The following CD163L1 variants were observed in gnomAD, a reference collection of about 807,000 sequenced individuals.
CD163L1 encodes scavenger receptor cysteine-rich type 1 protein M160.
Under a neutral mutation model 165.4 loss-of-function variants are expected in CD163L1, and 124 were observed. The ratio of observed to expected loss-of-function variants is 0.75; its 90% CI spans 0.65 to 0.87. The LOEUF (loss-of-function observed/expected upper bound fraction) is 0.87, where lower values mean the gene tolerates loss of function less well. Among genes scored for constraint, CD163L1 ranks in the 40% least tolerant of loss-of-function variants. The pLI is 0.00. For synonymous variants in CD163L1, 585 were observed against 662.2 expected (o/e 0.88, Z 1.79); for missense variants, 1,525 against 1,799.9 (o/e 0.85, Z 2.76).
At chr12:7,414,321 C>A (rs1433144064) in intron 4 of CD163L1, among the ~76,000 whole-genome samples, 1 of 151,928 alleles carries the variant, frequency 6.6e-6, no homozygotes, top group African/African-American at 2.4e-5. Flanking sequence ...AATACAATGA[C>A]ACCTGAAAAA....
chr12:7,383,195 T>C (rs1285588476), intron 8 of CD163L1, among the ~76,000 whole-genome samples: 1 of 152,112 alleles, frequency 6.6e-6, no homozygotes. Context: ...GGTCTGGAAA[T>C]TGCCCTATTC....
chr12:7,412,041 C>T, intron 4 of CD163L1, among the ~76,000 whole-genome samples: 1 of 152,298 alleles, frequency 6.6e-6, no homozygotes. Flanking sequence ...TCAAAATAGA[C>T]AAAAGTCTGG....
chr12:7,366,273 G>A (rs968304422), intron 18 of CD163L1, among the ~76,000 whole-genome samples: 1 of 151,922 alleles, frequency 6.6e-6, no homozygotes, highest in African/African-American at 2.4e-5. Context: ...GATAAAGAGA[G>A]GTTGATTGAG....
the CD163L1 span, chr12:7,327,061 A>G: frequency 6.2e-7 from 1 of 1,611,146 alleles, no homozygotes; most frequent in South Asian, 1.1e-5. Context: ...GATCATGTGA[A>G]AAAATCAACT....
chr12:7,324,580 A>G, the CD163L1 span: 3 of 1,613,874 alleles, frequency 1.9e-6, no homozygotes, highest in African/African-American at 1.3e-5. Flanking sequence ...TCAGTAGTCC[A>G]GATCAAATCC....
At chr12:7,433,778 C>T (rs1948673051) in intron 2 of CD163L1, 84 bp from the exon 3 acceptor site, 4 of 1,005,144 alleles carry the variant, frequency 4.0e-6, no homozygotes, top group South Asian at 1.8e-5. Context: ...GGATGATGAT[C>T]ATTTAGTTTA....
chr12:7,386,836 A>G (rs1947531701), intron 8 of CD163L1, among the ~76,000 whole-genome samples: 1 of 152,180 alleles, frequency 6.6e-6, no homozygotes, highest in African/African-American at 2.4e-5. Context: ...AACATGAGAA[A>G]GGCCATATAG....
In CD163L1 at chr12:7,435,594, C is replaced by T. The variant is rs773644909; in HGVS notation, c.125-1900G>A. Among the ~76,000 whole-genome samples, 4 of 151,978 alleles carry T rather than the reference C, an allele frequency of 2.6e-5. No individual in the cohort carries two copies. In the South Asian group the frequency reaches 6.2e-4, roughly 24 times the overall value. On this transcript the variant is annotated intron_variant, in intron 2 of 19. Coordinates refer to ENST00000313599, the MANE Select transcript of CD163L1 (RefSeq NM_174941.6). Reference sequence around the variant, plus strand: ...TTAAAATATGAGTGAGGATATGAGTCATATCCTCATACATATATTTGAAAA... The same window carrying T: ...TTAAAATATGAGTGAGGATATGAGTTATATCCTCATACATATATTTGAAAA...
rs765733702 is a variant in CD163L1 at position 7,398,407 on chromosome 12, G to A, written c.1586C>T (p.Thr529Ile). Residue 529 changes from threonine (T) to isoleucine (I), a missense_variant, in exon 7 of 20, where the codon ACC becomes ATC. By Grantham distance (89) the Thr-to-Ile change is moderately conservative. Coordinates refer to ENST00000313599, the MANE Select transcript of CD163L1 (RefSeq NM_174941.6). This position sits in a 1 kb window ranked among gnomAD's most constrained non-coding sequence, Gnocchi z 4.5. The stretch of plus-strand genomic sequence containing the variant: ...AGGTCCTGATGCTTCTTTAAAATAG[G>A]TCATACCAAACACATGCAAAGGCTT... ...CGKPLHVFGM[T>I]YFKEASGPIW... is the part of the protein sequence containing the mutation. 1.9e-6 allele frequency: 3 copies of A among 1,614,086 alleles called. No individual in the cohort carries two copies. Among genetic ancestry groups the A allele is most frequent in the East Asian group, 4.5e-5 (2 of 44,876 alleles).
Position 7,375,760 on chromosome 12 carries a change from TG to T in CD163L1, c.2625del (p.Ile876LeufsTer28). The T allele has an allele frequency of 6.2e-7, 1 of 1,614,230 alleles. No individual in the cohort carries two copies. The highest frequency in any genetic ancestry group is 8.5e-7 in the Non-Finnish European group (1 of 1,180,050). ...CAAGTGTCTTCCGGATGTTGAACAA[TG>T]GGGCATAATGCAAGGTGAGTTTCAC... is the stretch of plus-strand genomic sequence containing the variant. ...EGSETHLALCPIVQHPEDTCI... is the reference protein window; with the variant it reads ...EGSETHLALCXIVQHPEDTCI... On this transcript the variant is annotated frameshift_variant, in exon 10 of 20. Transcript: ENST00000313599. LOFTEE classifies it high-confidence loss of function.
Position 7,368,263 on chromosome 12 carries a change from TA to T in CD163L1, c.4073-67del. 8 of 849,380 alleles carry T rather than the reference TA, an allele frequency of 9.4e-6. No individual in the cohort carries two copies. Among genetic ancestry groups the T allele is most frequent in the Non-Finnish European group, 1.5e-5 (8 of 530,594 alleles). The allele number at this position is 849,380 out of a possible 1,614,324, so 52.6% of individuals were successfully genotyped here. On this transcript the variant is annotated intron_variant, in intron 16 of 19. Coordinates refer to ENST00000313599, the MANE Select transcript of CD163L1 (RefSeq NM_174941.6). The surrounding 1 kb of genome is among the most constrained non-coding windows in gnomAD (Gnocchi z 4.3). ...ATATCAATTGTGGGTTTATACATTGTAAAAAAAACTGGTTCCCTAGTTGCTG... is the reference window on the plus strand; with the variant it reads ...ATATCAATTGTGGGTTTATACATTGTAAAAAAACTGGTTCCCTAGTTGCTG...
chr12:7,357,148 A>G (rs1946794739), intron 19 of CD163L1, among the ~76,000 whole-genome samples: 1 of 152,184 alleles, frequency 6.6e-6, no homozygotes, highest in African/African-American at 2.4e-5. Flanking sequence ...TATCTGCAGC[A>G]TCAGCCAATG....
the CD163L1 span, among the ~76,000 whole-genome samples, chr12:7,319,748 AATGTACACTAACCTAAGAACT>A: frequency 6.6e-6 from 1 of 152,132 alleles, no homozygotes; most frequent in Non-Finnish European, 1.5e-5. Flanking sequence ...ACTTAACATA[AATGTACACTAACCTAAGAACT>A]GAGATCTCTA....
intron 4 of CD163L1, among the ~76,000 whole-genome samples, chr12:7,426,274 G>A (rs1328572983): frequency 6.6e-6 from 1 of 151,994 alleles, no homozygotes. Context: ...GGGAACATCA[G>A]ACACTTGGGC....
At chr12:7,321,608 T>C in the CD163L1 span, among the ~76,000 whole-genome samples, 1 of 152,240 alleles carries the variant, frequency 6.6e-6, no homozygotes, top group Non-Finnish European at 1.5e-5. Flanking sequence ...GACTATTCAA[T>C]GATTATTTTG....
chr12:7,396,605 G>A (rs1380748251), intron 7 of CD163L1, among the ~76,000 whole-genome samples, 190 bp from the exon 8 acceptor site: 10 of 152,074 alleles, frequency 6.6e-5, no homozygotes, highest in African/African-American at 1.4e-4. Context: ...CCTCCATAAC[G>A]TGGGTGGGCC....
intron 2 of CD163L1, chr12:7,439,869 T>C (rs976062732): frequency 5.6e-6 from 9 of 1,610,522 alleles, no homozygotes; most frequent in Non-Finnish European, 7.6e-6. Context: ...CTCTCGCGGC[T>C]GCGTCATTAT....
At chr12:7,334,066 G>C in the CD163L1 span, among the ~76,000 whole-genome samples, 1 of 147,356 alleles carries the variant, frequency 6.8e-6, no homozygotes, top group Non-Finnish European at 1.5e-5. Context: ...GAGGTACAAG[G>C]AGGAGCTGGT....
At chr12:7,439,138 G>A in intron 2 of CD163L1, 2 of 1,574,384 alleles carry the variant, frequency 1.3e-6, no homozygotes, top group Admixed American at 2.0e-5. Flanking sequence ...TCTCTTCTCT[G>A]CTGTCGGAAT....
Sources: allele counts gnomAD v4.1 joint callset (sites outside exome capture counted in the v4.1 genomes callset), GRCh38; gene constraint gnomAD v4.1.1; non-coding constraint Gnocchi (gnomAD v3.1); transcripts MANE v1.5; gene names NCBI Gene and HGNC (gene_info 2026-07-23, HGNC 2026-07-21).